Variants in TEX2 observed in about 807,000 individuals in gnomAD.
The protein encoded by TEX2 is testis expressed 2.
In TEX2, 53 loss-of-function variants were observed where a neutral mutation model predicts 106.9. The observed-to-expected ratio is 0.50, with a 90% CI of 0.40 to 0.62. The LOEUF (loss-of-function observed/expected upper bound fraction) is 0.62. Ranked by LOEUF, TEX2 falls within the 20% of genes least tolerant of loss-of-function variation. The pLI is 0.00. For synonymous variants in TEX2, 523 were observed against 534.8 expected (o/e 0.98, Z 0.30); for missense variants, 1,207 against 1,379.0 (o/e 0.88, Z 1.98).
intron 3 of TEX2, among the ~76,000 whole-genome samples, chr17:64,194,618 A>T (rs1363252838): frequency 1.3e-5 from 2 of 152,194 alleles, no homozygotes; most frequent in African/African-American, 2.4e-5. Flanking sequence ...CTTGTTCCTC[A>T]AGTTGTGGTC....
intron 5 of TEX2, among the ~76,000 whole-genome samples, chr17:64,179,048 A>C (rs907847659): frequency 5.3e-5 from 8 of 152,244 alleles, no homozygotes; most frequent in African/African-American, 1.9e-4. Context: ...GAGCCAGCAC[A>C]CTGCTCAGTC....
At chr17:64,259,171 A>C (rs1555638185) in intron 1 of TEX2, among the ~76,000 whole-genome samples, 1 of 152,214 alleles carries the variant, frequency 6.6e-6, no homozygotes, top group Non-Finnish European at 1.5e-5. Context: ...CTAATGGTGA[A>C]GCAGGGATGA....
chr17:64,260,332 A>G (rs1555638383), intron 1 of TEX2, among the ~76,000 whole-genome samples: 2 of 152,228 alleles, frequency 1.3e-5, no homozygotes, highest in African/African-American at 4.8e-5. Context: ...TACAATGGAA[A>G]AAGTGTGTTT....
intron 1 of TEX2, among the ~76,000 whole-genome samples, chr17:64,225,748 C>T (rs1055152607): frequency 3.3e-5 from 5 of 151,906 alleles, no homozygotes; most frequent in East Asian, 1.9e-4. Context: ...GACAGAGTCT[C>T]GATCTGTCAC....
In TEX2 at chr17:64,171,195, G is replaced by C; in HGVS notation, c.2576C>G (p.Pro859Arg). 1 of 1,613,734 alleles carries C rather than the reference G, an allele frequency of 6.2e-7. No homozygotes were observed. Among genetic ancestry groups the C allele is most frequent in the South Asian group, 1.1e-5 (1 of 91,036 alleles). The change falls in exon 7 of 12, where the codon CCC becomes CGC. Residue 859 changes from proline to arginine, a missense_variant. Physicochemically the swap from Pro to Arg is moderately radical, Grantham distance 103. Around this residue, in one of 3 missense-constraint regions of TEX2, gnomAD observed 1,067 missense variants for 1,193.6 expected, o/e 0.89. Transcript: ENST00000584379. ...CAGAGTGAGCTCATTCATAAAGTAG[G>C]GGAGCTAGAGGAAACAAGCAAACAA... ...IQMKLSKIKL[P>R]YFMNELTLTE...
Position 64,195,979 on chromosome 17 carries a change from C to T in TEX2, c.1645-884G>A, listed in dbSNP as rs2032453220. Among the ~76,000 whole-genome samples, 1 of 152,130 alleles carries T rather than the reference C, an allele frequency of 6.6e-6. No homozygotes were observed. On this transcript the variant is annotated intron_variant, in intron 2 of 11. Coordinates refer to ENST00000584379, the MANE Select transcript of TEX2 (RefSeq NM_001288732.2). The surrounding 1 kb of genome is among the most constrained non-coding windows in gnomAD (Gnocchi z 4.1). ...TTTTAATTGATATCTTCCTACTCTC[C>T]CCAACTTTTTAAAAATACATGTCTT...
At chr17:64,193,913 T>C (rs772298259) in intron 3 of TEX2, 24 bp from the exon 4 acceptor site, 3 of 1,480,540 alleles carry the variant, frequency 2.0e-6, no homozygotes, top group Non-Finnish European at 2.7e-6. Flanking sequence ...AAAATGATGA[T>C]TTATATATTA....
chr17:64,164,508 G>A (rs1182984816), intron 7 of TEX2, among the ~76,000 whole-genome samples: 1 of 151,976 alleles, frequency 6.6e-6, no homozygotes, highest in African/African-American at 2.4e-5. Flanking sequence ...TGTGTACAAG[G>A]ACCTGGAAGG....
At chr17:64,157,230 G>A (rs2030675104) in intron 8 of TEX2, among the ~76,000 whole-genome samples, 1 of 152,158 alleles carries the variant, frequency 6.6e-6, no homozygotes, top group Non-Finnish European at 1.5e-5. Context: ...AGACGTGCTG[G>A]AATGTAATTA....
At chr17:64,155,271 G>A (rs1425226784) in intron 8 of TEX2, 1 of 272,950 alleles carries the variant, frequency 3.7e-6, no homozygotes, top group African/African-American at 2.2e-5. Context: ...GGAGTGTGAT[G>A]CGCACATAAA....
At chr17:64,254,907 G>A (rs1341501559) in intron 1 of TEX2, among the ~76,000 whole-genome samples, 3 of 152,080 alleles carry the variant, frequency 2.0e-5, no homozygotes, top group Admixed American at 2.0e-4. Context: ...TGTCACCAAC[G>A]CTGTGGTGCA....
At chr17:64,212,119 G>A (rs1452181795) in intron 2 of TEX2, among the ~76,000 whole-genome samples, 4 of 152,254 alleles carry the variant, frequency 2.6e-5, no homozygotes, top group East Asian at 1.9e-4. Context: ...ATTCCCCACC[G>A]TGCAAAGGAA....
At chr17:64,176,948 C>G (rs533922465) in intron 6 of TEX2, among the ~76,000 whole-genome samples, 10 of 152,268 alleles carry the variant, frequency 6.6e-5, no homozygotes, top group African/African-American at 2.4e-4. Flanking sequence ...ACCATGTGGC[C>G]TAGACTGCTG....
intron 4 of TEX2, among the ~76,000 whole-genome samples, chr17:64,192,006 C>T (rs993986597): frequency 9.2e-5 from 14 of 152,088 alleles, no homozygotes; most frequent in Non-Finnish European, 1.8e-4. Flanking sequence ...CAATGTGCAT[C>T]TTATACTTAG....
rs142385930 is a variant in TEX2, at chr17:64,247,588, T to C, written c.-26+15580A>G. Among the ~76,000 whole-genome samples the C allele has an allele frequency of 1.6e-3, 251 of 152,296 alleles. 1 individual carries two copies. The highest frequency in any genetic ancestry group is 3.2e-3 in the Non-Finnish European group (218 of 68,012). ...TGAGCAGTGAGGAGGCGGCCAGGCT[T>C]GCGCACGGATGCCCCGCGCGGGGAG... On this transcript the variant is annotated intron_variant, in intron 1 of 11. Coordinates refer to ENST00000584379, the MANE Select transcript of TEX2 (RefSeq NM_001288732.2).
At position 64,205,377 on chromosome 17, in the gene TEX2, T is replaced by A. The variant is rs2032799665; in HGVS notation, c.1644+7197A>T. On this transcript the variant is annotated intron_variant, in intron 2 of 11. Coordinates refer to ENST00000584379, the MANE Select transcript of TEX2 (RefSeq NM_001288732.2). The surrounding 1 kb of genome is among the most constrained non-coding windows in gnomAD (Gnocchi z 4.0). ...CTATTCTACAAGGGGCACTGGGAAA[T>A]AGCCATGTTTATAAAAACCATACAT... Among the ~76,000 whole-genome samples the A allele has an allele frequency of 6.6e-6, 1 of 152,122 alleles. No individual in the cohort carries two copies. The highest frequency in any genetic ancestry group is 1.5e-5 in the Non-Finnish European group (1 of 68,006).
intron 2 of TEX2, among the ~76,000 whole-genome samples, chr17:64,200,513 G>A (rs1358217271): frequency 2.0e-5 from 3 of 152,134 alleles, no homozygotes; most frequent in African/African-American, 7.2e-5. Flanking sequence ...CTGTGTGCTC[G>A]CTCACACATG....
At chr17:64,193,467 C>CCTTCCTTG in intron 4 of TEX2, 92 bp downstream of exon 4, 2 of 640,478 alleles carry the variant, frequency 3.1e-6, no homozygotes, top group Non-Finnish European at 4.3e-6. Flanking sequence ...GGGTGGGCTT[C>CCTTCCTTG]CTTCCTTCCT....
At chr17:64,162,703 A>C (rs926998554) in intron 7 of TEX2, among the ~76,000 whole-genome samples, 74 of 152,212 alleles carry the variant, frequency 4.9e-4, no homozygotes, top group African/African-American at 1.4e-3. Context: ...AGGTGGAGGA[A>C]GGCCCAGGGA....
Sources: gnomAD v4.1 joint callset for allele counts (sites outside exome capture counted in the v4.1 genomes callset) on GRCh38, gnomAD v4.1.1 for gene constraint, gnomAD v4.1.1 regional missense constraint, Gnocchi (gnomAD v3.1) non-coding constraint, MANE v1.5 for transcripts, NCBI Gene and HGNC (gene_info 2026-07-23, HGNC 2026-07-21) for gene names.